The following TMEM132D variants were observed in gnomAD, a reference collection of about 807,000 sequenced individuals.
The protein encoded by TMEM132D is transmembrane protein 132D.
In TMEM132D, 21 loss-of-function variants were observed where a neutral mutation model predicts 62.3. The observed-to-expected ratio is 0.34, with a 90% CI of 0.24 to 0.49. The LOEUF (loss-of-function observed/expected upper bound fraction) is 0.49, where lower values mean the gene tolerates loss of function less well. Among genes scored for constraint, TMEM132D ranks in the 20% least tolerant of loss-of-function variants. The probability of loss-of-function intolerance (pLI) is 0.99; values close to 1 mark genes in which losing one functional copy is unlikely to be tolerated. For missense variants in TMEM132D, 1,346 were observed against 1,402.8 expected (o/e 0.96, Z 0.65); for synonymous variants, 621 against 575.6 (o/e 1.08, Z -1.13).
chr12:129,675,657 G>A (rs1350723598), intron 2 of TMEM132D, among the ~76,000 whole-genome samples: 3 of 152,184 alleles, frequency 2.0e-5, no homozygotes, highest in Non-Finnish European at 4.4e-5. Flanking sequence ...GGATGGTGTG[G>A]CCCCAGGGGA....
chr12:129,227,300 A>T (rs1202622363), intron 4 of TMEM132D, among the ~76,000 whole-genome samples: 1 of 108,742 alleles, frequency 9.2e-6, no homozygotes, highest in Non-Finnish European at 2.0e-5. Flanking sequence ...TGCGTTAGGA[A>T]ATATATATAT....
At chr12:129,652,375 C>G (rs1287469775) in intron 2 of TMEM132D, among the ~76,000 whole-genome samples, 1 of 152,164 alleles carries the variant, frequency 6.6e-6, no homozygotes, top group African/African-American at 2.4e-5. Flanking sequence ...ATGCTCACAT[C>G]CTAAGCCCTG....
intron 4 of TMEM132D, among the ~76,000 whole-genome samples, chr12:129,240,400 A>G (rs1006295025): frequency 6.6e-6 from 1 of 152,218 alleles, no homozygotes; most frequent in Non-Finnish European, 1.5e-5. Context: ...AGTAGACGCT[A>G]TATTAAAGGC....
At chr12:129,112,855 TTCC>T (rs1467840715) in intron 5 of TMEM132D, among the ~76,000 whole-genome samples, 2 of 152,246 alleles carry the variant, frequency 1.3e-5, no homozygotes, top group East Asian at 3.9e-4. Flanking sequence ...AAAACCTCTC[TTCC>T]TTGTGACCTA....
At chr12:129,636,320 G>T (rs956536022) in intron 2 of TMEM132D, among the ~76,000 whole-genome samples, 1 of 152,196 alleles carries the variant, frequency 6.6e-6, no homozygotes, top group African/African-American at 2.4e-5. Flanking sequence ...AAATGCTTTG[G>T]TTCCTTCCAA....
intron 1 of TMEM132D, among the ~76,000 whole-genome samples, chr12:129,863,724 G>T (rs753121721): frequency 6.6e-6 from 1 of 152,066 alleles, no homozygotes; most frequent in Non-Finnish European, 1.5e-5. Context: ...ATATCCCCAC[G>T]ATATTTTAAT....
At chr12:129,092,012 A>T (rs748927315) in intron 5 of TMEM132D, among the ~76,000 whole-genome samples, 4 of 152,238 alleles carry the variant, frequency 2.6e-5, no homozygotes, top group Admixed American at 6.5e-5. Context: ...TTAAAATATG[A>T]CTAACTGTAC....
At chr12:129,698,255 G>C (rs572913824) in intron 2 of TMEM132D, 1 of 151,942 alleles carries the variant, frequency 6.6e-6, no homozygotes, top group South Asian at 2.1e-4. Flanking sequence ...GCTAATGAAG[G>C]CTTGGCCAGC....
In TMEM132D at chr12:129,710,593, G is replaced by A. The variant is rs186042697; in HGVS notation, c.80-9895C>T. On this transcript the variant is annotated intron_variant, in intron 1 of 8. Coordinates refer to ENST00000422113, the MANE Select transcript of TMEM132D (RefSeq NM_133448.3). Reference sequence around the variant, plus strand: ...ATTACAGGCATGAGCACCGTGCCCCGCCGATTATTTAATTGGAAAAACATT... The same window carrying A: ...ATTACAGGCATGAGCACCGTGCCCCACCGATTATTTAATTGGAAAAACATT... 2.2e-3 allele frequency among the ~76,000 whole-genome samples: 340 copies of A among 152,126 alleles called. 1 individual carries two copies. The highest frequency in any genetic ancestry group is 7.8e-3 in the African/African-American group (322 of 41,480).
chr12:129,312,382 T>C (rs1881997049), intron 4 of TMEM132D, among the ~76,000 whole-genome samples: 1 of 152,086 alleles, frequency 6.6e-6, no homozygotes, highest in Non-Finnish European at 1.5e-5. Flanking sequence ...ATGGAAAGCA[T>C]GTTATATCTG....
At chr12:129,639,732 C>G (rs1261406007) in intron 2 of TMEM132D, among the ~76,000 whole-genome samples, 3 of 152,120 alleles carry the variant, frequency 2.0e-5, no homozygotes, top group Non-Finnish European at 2.9e-5. Flanking sequence ...TTCAAACTCC[C>G]CGAATGTAGT....
chr12:129,861,968 C>T (rs1873914572), intron 1 of TMEM132D, among the ~76,000 whole-genome samples: 1 of 152,016 alleles, frequency 6.6e-6, no homozygotes, highest in African/African-American at 2.4e-5. Context: ...ACCCAACACA[C>T]AAGGGTCATA....
chr12:129,770,970 A>C (rs557341627), intron 1 of TMEM132D, among the ~76,000 whole-genome samples: 1 of 152,296 alleles, frequency 6.6e-6, no homozygotes, highest in South Asian at 2.1e-4. Context: ...CTCGTATCTC[A>C]CTGAGTTCGG....
At chr12:129,593,215 A>G (rs1236896301) in intron 2 of TMEM132D, among the ~76,000 whole-genome samples, 1 of 152,240 alleles carries the variant, frequency 6.6e-6, no homozygotes, top group East Asian at 1.9e-4. Context: ...CAAGCTTAGA[A>G]GCTGCAAGAA....
intron 4 of TMEM132D, among the ~76,000 whole-genome samples, chr12:129,299,397 C>A (rs1299308228): frequency 7.1e-6 from 1 of 141,568 alleles, no homozygotes. Context: ...ATAAATGTCT[C>A]TTTTCTGTTT....
rs144025805 is a variant in TMEM132D at position 129,414,700 on chromosome 12, A to T, written c.1116-76883T>A. On this transcript the variant is annotated intron_variant, in intron 3 of 8. Coordinates refer to ENST00000422113, the MANE Select transcript of TMEM132D (RefSeq NM_133448.3). ...CTCTCTTAGCATATTTTAATTTTACAATACATGACTATTAACTATCGTTAC... is the reference window on the plus strand; with the variant it reads ...CTCTCTTAGCATATTTTAATTTTACTATACATGACTATTAACTATCGTTAC... Among the ~76,000 whole-genome samples, 1,090 of 152,340 alleles carry T rather than the reference A, an allele frequency of 7.2e-3. 9 individuals carry two copies. The highest frequency in any genetic ancestry group is 0.02 in the African/African-American group (841 of 41,576).
chr12:129,366,298 A>G (rs1870411256), intron 3 of TMEM132D, among the ~76,000 whole-genome samples: 1 of 152,106 alleles, frequency 6.6e-6, no homozygotes, highest in Admixed American at 6.5e-5. Context: ...ATAGGGGTGG[A>G]TTTCTCATGA....
intron 1 of TMEM132D, among the ~76,000 whole-genome samples, chr12:129,762,429 C>T (rs780026331): frequency 4.9e-4 from 75 of 152,116 alleles, no homozygotes; most frequent in Non-Finnish European, 1.2e-4. Flanking sequence ...ATTACCGCAG[C>T]GAGCCCATCC....
intron 1 of TMEM132D, among the ~76,000 whole-genome samples, chr12:129,781,100 A>G (rs905179668): frequency 2.6e-5 from 4 of 152,226 alleles, no homozygotes; most frequent in Non-Finnish European, 2.9e-5. Context: ...CTTTGTTGCA[A>G]AATATATATT....
Sources: gnomAD v4.1 joint callset for allele counts (sites outside exome capture counted in the v4.1 genomes callset) on GRCh38, gnomAD v4.1.1 for gene constraint, MANE v1.5 for transcripts, NCBI Gene and HGNC (gene_info 2026-07-23, HGNC 2026-07-21) for gene names.